MGA: variants seen among roughly 807,000 people sequenced by gnomAD.
MGA encodes MAX dimerization protein MGA.
In MGA, 40 loss-of-function variants were observed where a neutral mutation model predicts 261.1. The observed-to-expected ratio is 0.15, with a 90% CI of 0.12 to 0.20. MGA has a LOEUF of 0.20. MGA is among the 10% of genes least tolerant of loss of function. MGA has a pLI of 1.00. For synonymous variants in MGA, 1,302 were observed against 1,290.6 expected, an observed-to-expected ratio of 1.01 and a Z score of -0.19; for missense variants, 3,397 against 3,630.5, an observed-to-expected ratio of 0.94 and a Z score of 1.65.
chr15:41,722,249 C>T (rs1055359701), intron 9 of MGA, among the ~76,000 whole-genome samples: 1 of 151,738 alleles, frequency 6.6e-6, no homozygotes, highest in East Asian at 1.9e-4. Flanking sequence ...CCTGCCTCAG[C>T]CTCCCGAGTA....
chr15:41,711,084 A>G lies in MGA; in HGVS notation c.2819A>G (p.Lys940Arg). The G allele has an allele frequency of 1.2e-6, 2 of 1,614,082 alleles. No homozygotes were observed. The highest frequency in any genetic ancestry group is 8.5e-7 in the Non-Finnish European group (1 of 1,179,906). The change falls in exon 8 of 24, where the codon AAG becomes AGG. Residue 940 changes from lysine to arginine, a missense_variant. Lys to Arg is a conservative substitution (Grantham distance 26). Around this residue, in one of 9 missense-constraint regions of MGA, gnomAD observed 519 missense variants for 554.1 expected, o/e 0.94. Coordinates refer to ENST00000219905, the MANE Select transcript of MGA (RefSeq NM_001164273.2). ...GTGATTCTAGGAGATAAGGTTACCA[A>G]GAATTCTTCAGGCATCATCTCAGAA... is the stretch of plus-strand genomic sequence containing the variant.
upstream of MGA, among the ~76,000 whole-genome samples, chr15:41,656,466 T>G (rs913361612): frequency 1.2e-3 from 176 of 150,752 alleles, 2 homozygotes; most frequent in Non-Finnish European, 5.2e-4. Context: ...CTCACCCTCC[T>G]GAGTGGCTGG....
chr15:41,721,520 A>T (rs925166149), intron 9 of MGA, among the ~76,000 whole-genome samples: 1 of 152,232 alleles, frequency 6.6e-6, no homozygotes, highest in Non-Finnish European at 1.5e-5. Context: ...TATCCAAAAT[A>T]TATAAAGGTG....
intron 7 of MGA, among the ~76,000 whole-genome samples, chr15:41,709,334 C>T (rs528996168): frequency 6.6e-6 from 1 of 152,104 alleles, no homozygotes; most frequent in South Asian, 2.1e-4. Flanking sequence ...AGTGACAGAG[C>T]GAGACCCTGT....
chr15:41,637,028 T>C (rs1245401351), intron 1 of MGA, among the ~76,000 whole-genome samples: 8 of 152,020 alleles, frequency 5.3e-5, no homozygotes, highest in Non-Finnish European at 7.4e-5. Context: ...AATCATATCT[T>C]GCTCTGGGGG....
chr15:41,696,815 C>G lies in MGA; in HGVS notation c.1805C>G (p.Ala602Gly), dbSNP rs756415201. The change falls in exon 3 of 24, where the codon GCT (alanine) becomes GGT (glycine). Residue 602 changes from alanine (A) to glycine (G), a missense_variant. By Grantham distance (60) the Ala-to-Gly change is moderately conservative. Around this residue, in one of 9 missense-constraint regions of MGA, gnomAD observed 563 missense variants for 563.6 expected, o/e 1.00. Coordinates refer to ENST00000219905, the MANE Select transcript of MGA (RefSeq NM_001164273.2). ...GCAACAGCCGCAAAGGTAGTGAATG[C>G]TAATCAGAATGCCTCTCCAAATGTC... 1.2e-6 allele frequency: 2 copies of G among 1,601,296 alleles called. No individual in the cohort carries two copies. The highest frequency in any genetic ancestry group is 1.7e-5 in the Admixed American group (1 of 57,460).
At chr15:41,698,171 CTTT>C (rs11442137) in intron 3 of MGA, among the ~76,000 whole-genome samples, 5 of 115,966 alleles carry the variant, frequency 4.3e-5, no homozygotes, top group Admixed American at 9.5e-5. Flanking sequence ...CCCCTGGCCT[CTTT>C]TTTTTTTTTT....
At chr15:41,686,795 A>C (rs75116764) in intron 2 of MGA, among the ~76,000 whole-genome samples, 3 of 152,020 alleles carry the variant, frequency 2.0e-5, no homozygotes, top group Non-Finnish European at 4.4e-5. Flanking sequence ...TTTAGAGGGG[A>C]GGGGTGATCT....
At chr15:41,685,757 G>T (rs568648331) in intron 2 of MGA, among the ~76,000 whole-genome samples, 1 of 152,158 alleles carries the variant, frequency 6.6e-6, no homozygotes, top group South Asian at 2.1e-4. Flanking sequence ...ACTTTGGGAG[G>T]CCGAGGCGGG....
At chr15:41,736,751 A>T in intron 13 of MGA, 53 bp downstream of exon 13, 1 of 1,472,194 alleles carries the variant, frequency 6.8e-7, no homozygotes, top group South Asian at 1.4e-5. Flanking sequence ...CCTAGGTAGT[A>T]TCATGATTTT....
At chr15:41,656,382 C>CACA (rs2057194512), upstream of MGA, among the ~76,000 whole-genome samples, 7 of 90,406 alleles carry the variant, frequency 7.7e-5, no homozygotes, top group South Asian at 3.7e-4. Context: ...CTCTCTCACA[C>CACA]CCAGGCTGGA....
chr15:41,636,084 T>G (rs963676287), intron 1 of MGA, among the ~76,000 whole-genome samples: 1 of 152,130 alleles, frequency 6.6e-6, no homozygotes, highest in Admixed American at 6.6e-5. Flanking sequence ...GAGTATGCAT[T>G]TACTATACTA....
upstream of MGA, among the ~76,000 whole-genome samples, chr15:41,655,959 C>T (rs7177911): frequency 0.76 from 114,969 of 152,132 alleles, 44,654 homozygotes; most frequent in East Asian, 0.89. Context: ...GATCTGTGGT[C>T]TTCTATTTAT....
At position 41,713,516 on chromosome 15, in the gene MGA, T is replaced by TA; in HGVS notation, c.3430+24dup. The TA allele has an allele frequency of 6.6e-7, 1 of 1,512,110 alleles. No individual in the cohort carries two copies. The allele number at this position is 1,512,110 out of a possible 1,614,324, so 93.7% of individuals were successfully genotyped here. A position where few individuals can be genotyped will look rare whatever the true frequency, so the allele number is the denominator to read the frequency against. On this transcript the variant is annotated intron_variant, in intron 9 of 23. Transcript: ENST00000219905. ...AATACAGTGAGTATTAATTGAGAGT[T>TA]AAAACTGTGCCATATCAGTTTTTGG...
chr15:41,671,650 T>C (rs2058066807), intron 2 of MGA, among the ~76,000 whole-genome samples: 1 of 152,170 alleles, frequency 6.6e-6, no homozygotes, highest in Non-Finnish European at 1.5e-5. Context: ...TATTTTGAGT[T>C]TTAAACCCAA....
At chr15:41,675,653 G>A (rs1012129283) in intron 2 of MGA, among the ~76,000 whole-genome samples, 2 of 152,134 alleles carry the variant, frequency 1.3e-5, no homozygotes, top group South Asian at 4.1e-4. Flanking sequence ...TTGGGATTAC[G>A]GGAGTGAGCC....
chr15:41,727,237 T>G lies in MGA; in HGVS notation c.3488T>G (p.Val1163Gly). ...CGACATTACCCATTATGGGTAAAAG[T>G]AGAAGGTGAAGTAGATCCAGAACCA... The change falls in exon 10 of 24, where the codon GTA (valine) becomes GGA (glycine). Residue 1163 changes from valine (V) to glycine (G), a missense_variant. Physicochemically the swap from Val to Gly is moderately radical, Grantham distance 109 (BLOSUM62 -3). Transcript: ENST00000219905. The G allele has an allele frequency of 1.2e-6, 2 of 1,613,866 alleles. No individual in the cohort carries two copies. The highest frequency in any genetic ancestry group is 1.7e-6 in the Non-Finnish European group (2 of 1,179,872).
intron 2 of MGA, among the ~76,000 whole-genome samples, chr15:41,673,332 C>T (rs1486868960): frequency 6.6e-6 from 1 of 151,976 alleles, no homozygotes; most frequent in Non-Finnish European, 1.5e-5. Flanking sequence ...ATTCTTGTGC[C>T]TCAGCCTCTG....
In MGA at chr15:41,767,512, C is replaced by G. The variant is rs1242891630; in HGVS notation, c.*232C>G. 3.6e-6 allele frequency: 2 copies of G among 553,354 alleles called. No individual in the cohort carries two copies. The highest frequency in any genetic ancestry group is 1.9e-5 in the African/African-American group (1 of 53,250). 34.3% of individuals were successfully genotyped at this position (553,354 alleles called of 1,614,324 possible). ...ACTTGTGGTGCTGGGTCCCCTCATC[C>G]TCTCTAAGAAGATGTGATCCATTAC... On this transcript the variant is annotated 3_prime_UTR_variant, in exon 24 of 24. Coordinates refer to ENST00000219905, the MANE Select transcript of MGA (RefSeq NM_001164273.2).
Sources: allele counts gnomAD v4.1 joint callset (sites outside exome capture counted in the v4.1 genomes callset), GRCh38; gene constraint gnomAD v4.1.1; regional missense constraint gnomAD v4.1.1; transcripts MANE v1.5; gene names NCBI Gene and HGNC (gene_info 2026-07-23, HGNC 2026-07-21).